CHCHD6: variants seen among roughly 807,000 people sequenced by gnomAD.
The protein encoded by CHCHD6 is coiled-coil-helix-coiled-coil-helix domain containing 6.
CHCHD6 carries 28 observed loss-of-function variants against 32.3 expected under a neutral mutation model. The observed-to-expected ratio is 0.87, with a 90% confidence interval of 0.64 to 1.19. The LOEUF is 1.19. Ranked by LOEUF, CHCHD6 falls within the 50% of genes most tolerant of loss-of-function variation. The pLI is 0.00. For synonymous variants in CHCHD6, 122 were observed against 117.5 expected (o/e 1.04, Z -0.25); for missense variants, 333 against 307.0 (o/e 1.08, Z -0.63).
At chr3:126,927,229 G>A (rs191303301) in intron 6 of CHCHD6, among the ~76,000 whole-genome samples, 28 of 152,306 alleles carry the variant, frequency 1.8e-4, no homozygotes, top group African/African-American at 6.5e-4. Context: ...GCAGCAGGGA[G>A]GCTCCTGACC....
chr3:126,845,326 A>G (rs2107548706), intron 4 of CHCHD6, among the ~76,000 whole-genome samples: 1 of 152,240 alleles, frequency 6.6e-6, no homozygotes, highest in South Asian at 2.1e-4. Flanking sequence ...TCTATTGACT[A>G]TTTGTGCTTT....
chr3:126,861,146 C>A (rs964545509), intron 5 of CHCHD6, among the ~76,000 whole-genome samples: 1 of 152,078 alleles, frequency 6.6e-6, no homozygotes, highest in Admixed American at 6.5e-5. Flanking sequence ...CATATCCTTG[C>A]TACTGCTGTT....
At chr3:126,949,125 T>C (rs2078679205) in intron 6 of CHCHD6, 1 of 152,450 alleles carries the variant, frequency 6.6e-6, no homozygotes, top group South Asian at 2.1e-4. Flanking sequence ...TTCCCTCCAA[T>C]GCTCCTGCTT....
At chr3:126,942,176 C>T (rs1227027909) in intron 6 of CHCHD6, among the ~76,000 whole-genome samples, 1 of 152,192 alleles carries the variant, frequency 6.6e-6, no homozygotes, top group Non-Finnish European at 1.5e-5. Flanking sequence ...TGCATCCCAT[C>T]AGTAGGTTCA....
intron 4 of CHCHD6, among the ~76,000 whole-genome samples, chr3:126,779,627 A>G (rs1342838399): frequency 6.6e-6 from 1 of 152,000 alleles, no homozygotes; most frequent in Non-Finnish European, 1.5e-5. Context: ...TGTAAGGTGT[A>G]AGACAGAGGT....
At chr3:126,841,302 T>G (rs1163016114) in intron 4 of CHCHD6, among the ~76,000 whole-genome samples, 1 of 152,164 alleles carries the variant, frequency 6.6e-6, no homozygotes, top group African/African-American at 2.4e-5. Context: ...TTGTTGGACA[T>G]TTGGGTTGGT....
Position 126,733,073 on chromosome 3 carries a change from C to T in CHCHD6, c.267-5C>T, listed in dbSNP as rs746737190. On this transcript the variant is annotated splice_region_variant and splice_polypyrimidine_tract_variant and intron_variant, in intron 3 of 7. Transcript: ENST00000290913. ...TCTGTTTCTCCTCATGTTTCTTCTGCACAGGTATGAACAGGAGCATGCTGC... is the reference window on the plus strand; with the variant it reads ...TCTGTTTCTCCTCATGTTTCTTCTGTACAGGTATGAACAGGAGCATGCTGC... 14 of 1,613,960 alleles carry T rather than the reference C, an allele frequency of 8.7e-6. No homozygotes were observed. Among genetic ancestry groups the T allele is most frequent in the South Asian group, 7.7e-5 (7 of 91,064 alleles).
At chr3:126,838,346 T>C (rs78031211) in intron 4 of CHCHD6, among the ~76,000 whole-genome samples, 2,743 of 152,196 alleles carry the variant, frequency 0.018, 30 homozygotes, top group Middle Eastern at 0.051. Context: ...AGGTAGGTGG[T>C]TTTGGAAAGT....
intron 5 of CHCHD6, among the ~76,000 whole-genome samples, chr3:126,864,489 G>C (rs1488881720): frequency 4.9e-5 from 4 of 81,484 alleles, no homozygotes; most frequent in Non-Finnish European, 7.6e-5. Context: ...ACCACCAGCT[G>C]CACCATCACC....
At chr3:126,846,647 C>A (rs992878862) in intron 4 of CHCHD6, among the ~76,000 whole-genome samples, 6 of 152,180 alleles carry the variant, frequency 3.9e-5, no homozygotes, top group Non-Finnish European at 8.8e-5. Context: ...ATAGTTTTAT[C>A]ACTCTGTGGA....
chr3:126,807,229 G>A (rs923279471), intron 4 of CHCHD6, among the ~76,000 whole-genome samples: 2 of 151,576 alleles, frequency 1.3e-5, no homozygotes, highest in African/African-American at 4.9e-5. Flanking sequence ...AAAACATTCA[G>A]CCTCCATAGT....
chr3:126,718,077 G>T (rs1390693969), intron 1 of CHCHD6, among the ~76,000 whole-genome samples: 3 of 152,162 alleles, frequency 2.0e-5, no homozygotes. Flanking sequence ...TGAGCCACAG[G>T]ATGTCAGAGC....
intron 4 of CHCHD6, among the ~76,000 whole-genome samples, chr3:126,773,789 A>G (rs1259067685): frequency 6.6e-6 from 1 of 151,706 alleles, no homozygotes; most frequent in Non-Finnish European, 1.5e-5. Context: ...GTATTTTAGT[A>G]GAGATGGGGT....
chr3:126,770,019 T>G (rs1420767514), intron 4 of CHCHD6, among the ~76,000 whole-genome samples: 4 of 152,178 alleles, frequency 2.6e-5, no homozygotes, highest in African/African-American at 7.2e-5. Flanking sequence ...TGAGCCATGT[T>G]TTGTTTTGTT....
intron 4 of CHCHD6, among the ~76,000 whole-genome samples, chr3:126,817,071 T>C (rs1034444700): frequency 1.3e-4 from 20 of 152,286 alleles, no homozygotes; most frequent in African/African-American, 4.6e-4. Flanking sequence ...CATAGGAACT[T>C]GTTATTTAAA....
At chr3:126,789,416 G>T (rs1938406267) in intron 4 of CHCHD6, among the ~76,000 whole-genome samples, 1 of 152,194 alleles carries the variant, frequency 6.6e-6, no homozygotes, top group African/African-American at 2.4e-5. Flanking sequence ...AATGTTGACA[G>T]TGGGGTGTTA....
intron 5 of CHCHD6, among the ~76,000 whole-genome samples, chr3:126,862,546 A>C (rs1365253744): frequency 2.9e-5 from 2 of 69,846 alleles, no homozygotes; most frequent in Non-Finnish European, 5.9e-5. Context: ...CACCATCACC[A>C]CCTCCTCCTC....
intron 4 of CHCHD6, among the ~76,000 whole-genome samples, chr3:126,834,757 T>G (rs1940785745): frequency 6.6e-6 from 1 of 152,298 alleles, no homozygotes; most frequent in Non-Finnish European, 1.5e-5. Context: ...ATAGGACAGC[T>G]TCCTACTTGG....
intron 4 of CHCHD6, among the ~76,000 whole-genome samples, chr3:126,759,768 C>T (rs528457559): frequency 6.6e-6 from 1 of 152,222 alleles, no homozygotes; most frequent in East Asian, 1.9e-4. Context: ...TGGTTTATAC[C>T]ACATTTTGCT....
Sources: gnomAD v4.1 joint callset for allele counts (sites outside exome capture counted in the v4.1 genomes callset) on GRCh38, gnomAD v4.1.1 for gene constraint, MANE v1.5 for transcripts, NCBI Gene and HGNC (gene_info 2026-07-23, HGNC 2026-07-21) for gene names.